Variants in PTPRG observed in about 807,000 individuals in gnomAD.
PTPRG encodes protein tyrosine phosphatase receptor type G.
In PTPRG, 102 loss-of-function variants were observed where a neutral mutation model predicts 165.3. That is an observed-to-expected ratio of 0.62 (90% CI 0.53 to 0.73). The LOEUF (loss-of-function observed/expected upper bound fraction) is 0.73, where lower values mean the gene tolerates loss of function less well. Ranked by LOEUF, PTPRG falls within the 30% of genes least tolerant of loss-of-function variation. The pLI is 0.00. For synonymous variants in PTPRG, 675 were observed against 669.5 expected, an observed-to-expected ratio of 1.01 and a Z score of -0.13; for missense variants, 1,866 against 1,861.4, an observed-to-expected ratio of 1.00 and a Z score of -0.05.
intron 1 of PTPRG, among the ~76,000 whole-genome samples, chr3:61,572,167 G>A (rs1459717980): frequency 6.6e-6 from 1 of 152,136 alleles, no homozygotes. Flanking sequence ...ACCTTGCTAC[G>A]GATTATCCTG....
intron 2 of PTPRG, among the ~76,000 whole-genome samples, chr3:61,813,543 C>CTGTGTGTGTG (rs58097355): frequency 0.012 from 1,429 of 116,882 alleles, 18 homozygotes; most frequent in African/African-American, 0.016. Flanking sequence ...AAAAGAAAAT[C>CTGTGTGTGTG]TGTGTGTGTG....
intron 4 of PTPRG, among the ~76,000 whole-genome samples, chr3:62,015,318 G>A (rs1467344107): frequency 6.6e-6 from 1 of 152,140 alleles, no homozygotes; most frequent in Admixed American, 6.5e-5. Context: ...GAAACAGCAG[G>A]AGAAAGGAGC....
In PTPRG at chr3:62,191,777, A is replaced by G. The variant is rs1316664866; in HGVS notation, c.1218+124A>G. 8 of 1,005,562 alleles carry G rather than the reference A, an allele frequency of 8.0e-6. No individual in the cohort carries two copies. In the African/African-American group the frequency reaches 9.7e-5, roughly 12 times the overall value. The allele number at this position is 1,005,562 out of a possible 1,614,324, so 62.3% of individuals were successfully genotyped here. On this transcript the variant is annotated intron_variant, in intron 9 of 29. Transcript: ENST00000474889. Reference sequence around the variant, plus strand: ...TCTGTCCTCACACTGTCTGGTGAACATGGGCACTGCCATTGCTGCGCTGCT... The same window carrying G: ...TCTGTCCTCACACTGTCTGGTGAACGTGGGCACTGCCATTGCTGCGCTGCT...
In PTPRG at chr3:62,243,848, G is replaced by C; in HGVS notation, c.2417G>C (p.Ser806Thr). 6.3e-7 allele frequency: 1 copy of C among 1,596,988 alleles called. No homozygotes were observed. The highest frequency in any genetic ancestry group is 1.1e-5 in the South Asian group (1 of 90,342). ...QTAHFYVEDS[S>T]SPRVVPNESI... ...GCTCATTTCTATGTGGAAGACAGCA[G>C]TTCACCTCGAGTGGTCCCTAATGAA... The change falls in exon 15 of 30, where the codon AGT (serine) becomes ACT (threonine). Residue 806 changes from serine to threonine, a missense_variant. Physicochemically the swap from Ser to Thr is moderately conservative, Grantham distance 58. This residue lies in a region of PTPRG where 1,452 missense variants were observed against 1,463.0 expected (regional missense o/e 0.99). Coordinates refer to ENST00000474889, the MANE Select transcript of PTPRG (RefSeq NM_002841.4).
intron 1 of PTPRG, among the ~76,000 whole-genome samples, chr3:61,664,610 CTT>C (rs1221300398): frequency 2.6e-5 from 4 of 152,176 alleles, no homozygotes; most frequent in Admixed American, 2.0e-4. Flanking sequence ...TGGTAGGTCA[CTT>C]TGAGCCCAAG....
rs58056271 is a variant in PTPRG at position 62,067,038 on chromosome 3, CAAAAAAAA to C, written c.520-11109_520-11102del. Among the ~76,000 whole-genome samples, 9 of 111,996 alleles carry C rather than the reference CAAAAAAAA, an allele frequency of 8.0e-5. 1 individual carries two copies. The Middle Eastern group carries it at 0.022, about 278-fold the overall frequency. 73.5% of individuals were successfully genotyped at this position (111,996 alleles called of 152,430 possible). A position where few individuals can be genotyped will look rare whatever the true frequency, so the allele number is the denominator to read the frequency against. On this transcript the variant is annotated intron_variant, in intron 4 of 29. Transcript: ENST00000474889. ...GGCGACAAAGTGAGAGATTCTGACTCAAAAAAAAAAAAAAAAAAAAAAATCAACTGCTC... is the reference window on the plus strand; with the variant it reads ...GGCGACAAAGTGAGAGATTCTGACTCAAAAAAAAAAAAAAATCAACTGCTC...
chr3:61,653,997 G>A (rs1377645419), intron 1 of PTPRG, among the ~76,000 whole-genome samples: 1 of 152,128 alleles, frequency 6.6e-6, no homozygotes, highest in Non-Finnish European at 1.5e-5. Flanking sequence ...ATGGCTCCAG[G>A]GGAAGCCCAG....
In PTPRG at chr3:61,701,926, G is replaced by C. The variant is rs558631737; in HGVS notation, c.86-46952G>C. On this transcript the variant is annotated intron_variant, in intron 1 of 29. Transcript: ENST00000474889. ...AGAGGGAAGAGAAAGAGGAAGGAGA[G>C]GGAGGAAGGAGGAAGGAAGGAAAGA... 1.1e-4 allele frequency among the ~76,000 whole-genome samples: 16 copies of C among 152,124 alleles called. No homozygotes were observed. In the South Asian group the frequency reaches 2.3e-3, roughly 22 times the overall value.
intron 8 of PTPRG, among the ~76,000 whole-genome samples, chr3:62,174,353 A>G (rs1705332981): frequency 6.6e-6 from 1 of 152,258 alleles, no homozygotes; most frequent in African/African-American, 2.4e-5. Flanking sequence ...ATAATGTAAT[A>G]AAAGCAAAGG....
At chr3:62,083,763 C>T (rs776596899) in intron 5 of PTPRG, among the ~76,000 whole-genome samples, 6 of 152,170 alleles carry the variant, frequency 3.9e-5, no homozygotes, top group South Asian at 4.1e-4. Flanking sequence ...CCTTGGCTTC[C>T]GTCTGTTTCT....
At chr3:62,037,041 T>C (rs1699968448) in intron 4 of PTPRG, among the ~76,000 whole-genome samples, 1 of 151,934 alleles carries the variant, frequency 6.6e-6, no homozygotes, top group Non-Finnish European at 1.5e-5. Flanking sequence ...CCACTAATAG[T>C]AATTATTTAA....
chr3:62,246,896 A>C (rs531263265), intron 15 of PTPRG, among the ~76,000 whole-genome samples: 14 of 152,252 alleles, frequency 9.2e-5, no homozygotes, highest in African/African-American at 3.1e-4. Flanking sequence ...GATTTTTTTA[A>C]AGATATTTGC....
At chr3:61,685,572 C>T (rs774109642) in intron 1 of PTPRG, among the ~76,000 whole-genome samples, 16 of 152,158 alleles carry the variant, frequency 1.1e-4, no homozygotes, top group Admixed American at 2.0e-4. Context: ...TCCTTGCAGC[C>T]CTTGGCTGGG....
intron 2 of PTPRG, among the ~76,000 whole-genome samples, chr3:61,965,277 G>A (rs914890965): frequency 2.7e-5 from 4 of 149,818 alleles, no homozygotes; most frequent in African/African-American, 9.9e-5. Flanking sequence ...TGACTACAGT[G>A]TTAAGCTACG....
At chr3:61,893,280 G>A (rs973663741) in intron 2 of PTPRG, among the ~76,000 whole-genome samples, 3 of 152,214 alleles carry the variant, frequency 2.0e-5, no homozygotes, top group African/African-American at 7.2e-5. Context: ...ATTATGAACT[G>A]CAGGATGCCA....
At chr3:61,667,532 A>G (rs1032273024) in intron 1 of PTPRG, among the ~76,000 whole-genome samples, 1 of 152,202 alleles carries the variant, frequency 6.6e-6, no homozygotes, top group Non-Finnish European at 1.5e-5. Context: ...ATTTTAATTC[A>G]CTTGCTTCTC....
intron 1 of PTPRG, 85 bp downstream of exon 1, chr3:61,562,457 G>C: frequency 7.5e-7 from 1 of 1,331,090 alleles, no homozygotes; most frequent in Non-Finnish European, 1.1e-6. Context: ...GAGCTCCGGC[G>C]CCCGTCCGGG....
At chr3:61,785,120 A>G (rs2034655204) in intron 2 of PTPRG, among the ~76,000 whole-genome samples, 1 of 152,242 alleles carries the variant, frequency 6.6e-6, no homozygotes, top group Non-Finnish European at 1.5e-5. Flanking sequence ...TGCTTCTAAC[A>G]GGCAACTGCT....
At chr3:62,027,214 C>T (rs2041825866) in intron 4 of PTPRG, among the ~76,000 whole-genome samples, 1 of 152,134 alleles carries the variant, frequency 6.6e-6, no homozygotes, top group Non-Finnish European at 1.5e-5. Flanking sequence ...TTAAAAATCA[C>T]TAACTGATAG....
Sources: gnomAD v4.1 joint callset for allele counts (sites outside exome capture counted in the v4.1 genomes callset) on GRCh38, gnomAD v4.1.1 for gene constraint, gnomAD v4.1.1 regional missense constraint, MANE v1.5 for transcripts, NCBI Gene and HGNC (gene_info 2026-07-23, HGNC 2026-07-21) for gene names.